The following RADIL variants were observed in gnomAD, a reference collection of about 807,000 sequenced individuals.
RADIL encodes Rap associating with DIL domain, also known as ras-associating and dilute domain-containing protein.
A neutral mutation model predicts 97.6 loss-of-function variants in RADIL; 99 were observed. The observed-to-expected ratio is 1.01, with a 90% CI of 0.86 to 1.20. RADIL has a LOEUF of 1.20. Ranked by LOEUF, RADIL falls within the 50% of genes most tolerant of loss-of-function variation. The pLI, the probability that RADIL is intolerant of heterozygous loss-of-function variation, is 0.00. For synonymous variants in RADIL, 803 were observed against 691.8 expected, an observed-to-expected ratio of 1.16 and a Z score of -2.52; for missense variants, 1,765 against 1,498.9, an observed-to-expected ratio of 1.18 and a Z score of -2.93.
rs371982455 is a variant in RADIL at position 4,822,200 on chromosome 7, G to C, written c.1615+194C>G. Among the ~76,000 whole-genome samples the C allele has an allele frequency of 1.0e-3, 158 of 152,272 alleles. 1 individual carries two copies. Among genetic ancestry groups the C allele is most frequent in the African/African-American group, 3.6e-3 (149 of 41,564 alleles). ...TGCTGTGGGGGGAGGTGCCAGACTG[G>C]CCCGTGCCACCAGCACCAGCCTCAC... On this transcript the variant is annotated intron_variant, in intron 6 of 14. Transcript: ENST00000399583. This position sits in a 1 kb window ranked among gnomAD's most constrained non-coding sequence, Gnocchi z 5.3.
At position 4,824,502 on chromosome 7, in the gene RADIL, G is replaced by A. The variant is rs751614050; in HGVS notation, c.1455-1948C>T. ...TTTCCCCAGCTGGGCAGCCGAGCAG[G>A]GCTGGGGGAGGAACCCCAGGCTGCG... On this transcript the variant is annotated intron_variant, in intron 5 of 14. Coordinates refer to ENST00000399583, the MANE Select transcript of RADIL (RefSeq NM_018059.5). The surrounding 1 kb of genome is among the most constrained non-coding windows in gnomAD (Gnocchi z 6.7). Among the ~76,000 whole-genome samples the A allele has an allele frequency of 6.6e-6, 1 of 152,216 alleles. No individual in the cohort carries two copies. The highest frequency in any genetic ancestry group is 2.1e-4 in the South Asian group (1 of 4,824).
At position 4,813,096 on chromosome 7, in the gene RADIL, C is replaced by T. The variant is rs1400625257; in HGVS notation, c.2139+2182G>A. On this transcript the variant is annotated intron_variant, in intron 9 of 14. Coordinates refer to ENST00000399583, the MANE Select transcript of RADIL (RefSeq NM_018059.5). The surrounding 1 kb of genome is among the most constrained non-coding windows in gnomAD (Gnocchi z 5.0). ...TCTTTCTCTCTCTCTCTCTCTCTCT[C>T]TCTCTTTCCTTTCTTTCTTTCTTTT... is the stretch of plus-strand genomic sequence containing the variant. Among the ~76,000 whole-genome samples, 1 of 149,796 alleles carries T rather than the reference C, an allele frequency of 6.7e-6. No individual in the cohort carries two copies. Among genetic ancestry groups the T allele is most frequent in the Non-Finnish European group, 1.5e-5 (1 of 67,024 alleles).
intron 10 of RADIL, among the ~76,000 whole-genome samples, chr7:4,804,587 G>C (rs2115162931): frequency 6.6e-6 from 1 of 152,222 alleles, no homozygotes; most frequent in Non-Finnish European, 1.5e-5. Context: ...AGGAATTCGA[G>C]AGCAGCCTGG....
chr7:4,811,800 A>G (rs887749577), intron 9 of RADIL, among the ~76,000 whole-genome samples: 16 of 151,914 alleles, frequency 1.1e-4, no homozygotes, highest in Non-Finnish European at 2.2e-4. Context: ...TTCTTCTTTA[A>G]TGTTTAAAAT....
At position 4,873,043 on chromosome 7, in the gene RADIL, T is replaced by C. The variant is rs1292136296; in HGVS notation, c.535+4562A>G. ...ACCTCCGCCTCCTGGGTTCAAGCGATTCTCTGCCTCCCAAGTAGCTGGGAT... is the reference window on the plus strand; with the variant it reads ...ACCTCCGCCTCCTGGGTTCAAGCGACTCTCTGCCTCCCAAGTAGCTGGGAT... On this transcript the variant is annotated intron_variant, in intron 2 of 14. Transcript: ENST00000399583. This position sits in a 1 kb window ranked among gnomAD's most constrained non-coding sequence, Gnocchi z 4.3. Among the ~76,000 whole-genome samples, 1 of 152,110 alleles carries C rather than the reference T, an allele frequency of 6.6e-6. No homozygotes were observed. The highest frequency in any genetic ancestry group is 2.4e-5 in the African/African-American group (1 of 41,414).
chr7:4,814,986 T>G lies in RADIL; in HGVS notation c.2139+292A>C, dbSNP rs879564965. On this transcript the variant is annotated intron_variant, in intron 9 of 14. Transcript: ENST00000399583. The surrounding 1 kb of genome is among the most constrained non-coding windows in gnomAD (Gnocchi z 4.5). ...CCCGGATACCCAGGTCATCTCCGAA[T>G]CTCAAGGTCCTTAATCGTAGTCACA... Among the ~76,000 whole-genome samples the G allele has an allele frequency of 6.6e-6, 1 of 152,222 alleles. No homozygotes were observed. The highest frequency in any genetic ancestry group is 2.4e-5 in the African/African-American group (1 of 41,454).
At chr7:4,862,912 AAT>A (rs1784052324) in intron 2 of RADIL, among the ~76,000 whole-genome samples, 1 of 151,826 alleles carries the variant, frequency 6.6e-6, no homozygotes, top group Admixed American at 6.6e-5. Flanking sequence ...AAAAAAATAA[AAT>A]TAAAAATAAA....
chr7:4,808,886 C>T, intron 9 of RADIL: 1 of 925,508 alleles, frequency 1.1e-6, no homozygotes, highest in Non-Finnish European at 1.2e-6. Context: ...TCCAACGCCA[C>T]TGCCCCCCGT....
chr7:4,874,347 C>T (rs975039821), intron 2 of RADIL, among the ~76,000 whole-genome samples: 6 of 152,270 alleles, frequency 3.9e-5, no homozygotes, highest in African/African-American at 1.2e-4. Context: ...TCATCCCCAG[C>T]GGAGCCTGGC....
In RADIL at chr7:4,798,827, T is replaced by C. The variant is rs1480540713; in HGVS notation, c.*551A>G. Reference sequence around the variant, plus strand: ...TTCCAACGCCTGGGTGTCTAGACCTTTCTCTGGGGCCTGTGCTGAGCAGCG... The same window carrying C: ...TTCCAACGCCTGGGTGTCTAGACCTCTCTCTGGGGCCTGTGCTGAGCAGCG... On this transcript the variant is annotated 3_prime_UTR_variant, in exon 15 of 15. Transcript: ENST00000399583. 6.5e-6 allele frequency: 1 copy of C among 154,468 alleles called. No homozygotes were observed. The highest frequency in any genetic ancestry group is 1.4e-5 in the Non-Finnish European group (1 of 69,582). 9.6% of individuals were successfully genotyped at this position (154,468 alleles called of 1,614,324 possible). A position where few individuals can be genotyped will look rare whatever the true frequency, so the allele number is the denominator to read the frequency against.
chr7:4,801,420 C>T (rs1223724861), intron 12 of RADIL, among the ~76,000 whole-genome samples: 1 of 152,214 alleles, frequency 6.6e-6, no homozygotes, highest in African/African-American at 2.4e-5. Context: ...CCTCCCAGAT[C>T]ACAGTGAGTA....
At chr7:4,851,951 G>A (rs1783719112) in intron 2 of RADIL, among the ~76,000 whole-genome samples, 1 of 152,146 alleles carries the variant, frequency 6.6e-6, no homozygotes, top group Non-Finnish European at 1.5e-5. Flanking sequence ...GTAGAGTCAG[G>A]GTGTTCCTCA....
In RADIL at chr7:4,809,357, A is replaced by G. The variant is rs1328271822; in HGVS notation, c.2140-3641T>C. On this transcript the variant is annotated intron_variant, in intron 9 of 14. Coordinates refer to ENST00000399583, the MANE Select transcript of RADIL (RefSeq NM_018059.5). Reference sequence around the variant, plus strand: ...AAGTCCTGTTTTCAACGTTCTAGAAATATCCCCGCCCGGCTGAGCGGGGGG... The same window carrying G: ...AAGTCCTGTTTTCAACGTTCTAGAAGTATCCCCGCCCGGCTGAGCGGGGGG... 5.1e-6 allele frequency: 5 copies of G among 985,130 alleles called. No individual in the cohort carries two copies. In the Admixed American group the frequency reaches 3.1e-4, roughly 61 times the overall value. The allele number at this position is 985,130 out of a possible 1,614,324, so 61.0% of individuals were successfully genotyped here. A position where few individuals can be genotyped will look rare whatever the true frequency, so the allele number is the denominator to read the frequency against.
rs1292727056 is a variant in RADIL at position 4,798,874 on chromosome 7, C to G, written c.*504G>C. ...AGCGGGATCAGAAGTCCAGCATCCTCTGCCAGGTCTGGCCCTGCTTCAGCT... is the reference window on the plus strand; with the variant it reads ...AGCGGGATCAGAAGTCCAGCATCCTGTGCCAGGTCTGGCCCTGCTTCAGCT... On this transcript the variant is annotated 3_prime_UTR_variant, in exon 15 of 15. Transcript: ENST00000399583. The G allele has an allele frequency of 6.1e-6, 1 of 165,034 alleles. No homozygotes were observed. Among genetic ancestry groups the G allele is most frequent in the African/African-American group, 2.4e-5 (1 of 41,634 alleles). 10.2% of individuals were successfully genotyped at this position (165,034 alleles called of 1,614,324 possible).
intron 2 of RADIL, chr7:4,860,832 T>C (rs1318034793): frequency 1.2e-6 from 2 of 1,614,178 alleles, no homozygotes; most frequent in Non-Finnish European, 1.7e-6. Flanking sequence ...ACGTTGTATG[T>C]GGAGTTCTGC....
At chr7:4,869,880 C>T (rs374968653) in intron 2 of RADIL, among the ~76,000 whole-genome samples, 94 of 152,308 alleles carry the variant, frequency 6.2e-4, no homozygotes, top group African/African-American at 2.0e-3. Flanking sequence ...CCTGAAATCC[C>T]GGCACTTTGG....
intron 2 of RADIL, chr7:4,861,100 G>A (rs750718609): frequency 3.7e-6 from 6 of 1,614,146 alleles, no homozygotes; most frequent in Non-Finnish European, 5.1e-6. Context: ...TATTGGAATA[G>A]ATATTGTGGC....
At chr7:4,816,538 A>G (rs1369543116) in intron 7 of RADIL, 73 bp from the exon 8 acceptor site, 4 of 1,278,704 alleles carry the variant, frequency 3.1e-6, no homozygotes, top group Non-Finnish European at 4.4e-6. Context: ...GGCCTGACCC[A>G]GCGAGCTCCC....
intron 9 of RADIL, among the ~76,000 whole-genome samples, chr7:4,806,790 A>G (rs937024435): frequency 2.0e-5 from 3 of 152,224 alleles, no homozygotes; most frequent in African/African-American, 7.2e-5. Context: ...TGGCTGGCAC[A>G]GAACTCCAGG....
Sources: gnomAD v4.1 joint callset for allele counts (sites outside exome capture counted in the v4.1 genomes callset) on GRCh38, gnomAD v4.1.1 for gene constraint, Gnocchi (gnomAD v3.1) non-coding constraint, MANE v1.5 for transcripts, NCBI Gene and HGNC (gene_info 2026-07-23, HGNC 2026-07-21) for gene names.